Variants in TMEM132D observed in about 807,000 individuals in gnomAD.
The protein encoded by TMEM132D is transmembrane protein 132D.
In TMEM132D, 21 loss-of-function variants were observed where a neutral mutation model predicts 62.3. The ratio of observed to expected loss-of-function variants is 0.34; its 90% CI spans 0.24 to 0.49. TMEM132D has a LOEUF of 0.49. Among genes scored for constraint, TMEM132D ranks in the 20% least tolerant of loss-of-function variants. The pLI, the probability that TMEM132D is intolerant of heterozygous loss-of-function variation, is 0.99. For missense variants in TMEM132D, 1,346 were observed against 1,402.8 expected, an observed-to-expected ratio of 0.96 and a Z score of 0.65; for synonymous variants, 621 against 575.6, an observed-to-expected ratio of 1.08 and a Z score of -1.13.
At chr12:129,206,522 G>A (rs973756920) in intron 5 of TMEM132D, among the ~76,000 whole-genome samples, 1 of 152,150 alleles carries the variant, frequency 6.6e-6, no homozygotes, top group Non-Finnish European at 1.5e-5. Context: ...AATTAGTTCA[G>A]CCACTATGGA....
chr12:129,449,190 C>T (rs1459653582), intron 3 of TMEM132D, among the ~76,000 whole-genome samples: 4 of 152,228 alleles, frequency 2.6e-5, no homozygotes, highest in Non-Finnish European at 5.9e-5. Flanking sequence ...AATGTGAGAG[C>T]AGTCACCGCA....
In TMEM132D at chr12:129,072,738, G is replaced by A. The variant is rs1009424330; in HGVS notation, c.*1137C>T. The A allele has an allele frequency of 6.6e-6, 1 of 152,198 alleles. No individual in the cohort carries two copies. The highest frequency in any genetic ancestry group is 2.1e-4 in the South Asian group (1 of 4,802). The allele number at this position is 152,198 out of a possible 1,614,324, so 9.4% of individuals were successfully genotyped here. On this transcript the variant is annotated 3_prime_UTR_variant, in exon 9 of 9. Coordinates refer to ENST00000422113, the MANE Select transcript of TMEM132D (RefSeq NM_133448.3). The stretch of plus-strand genomic sequence containing the variant: ...CACCCCGATTTGTCTCAACAGCCTC[G>A]AGGCCACATCTTTGGACAGGAGATC...
chr12:129,523,663 T>A (rs952266579), intron 3 of TMEM132D, among the ~76,000 whole-genome samples: 2 of 152,140 alleles, frequency 1.3e-5, no homozygotes, highest in Admixed American at 6.5e-5. Flanking sequence ...ATACCAGATA[T>A]ATGGATATAA....
intron 1 of TMEM132D, among the ~76,000 whole-genome samples, chr12:129,701,793 C>T (rs1881392475): frequency 6.6e-6 from 1 of 152,190 alleles, no homozygotes; most frequent in Non-Finnish European, 1.5e-5. Context: ...CGTCAGTCAC[C>T]ATGTAATTAT....
intron 3 of TMEM132D, among the ~76,000 whole-genome samples, chr12:129,347,701 T>C (rs1224274531): frequency 5.3e-5 from 8 of 152,042 alleles, no homozygotes; most frequent in East Asian, 1.9e-4. Context: ...AAAGACAAAA[T>C]TGACAAATGA....
intron 2 of TMEM132D, among the ~76,000 whole-genome samples, chr12:129,648,508 G>GCTC (rs1469169670): frequency 2.0e-5 from 3 of 152,126 alleles, no homozygotes; most frequent in Non-Finnish European, 4.4e-5. Flanking sequence ...TCATAAATCA[G>GCTC]CTCTATCAGG....
chr12:129,640,937 T>C (rs568699461), intron 2 of TMEM132D, among the ~76,000 whole-genome samples: 198 of 152,222 alleles, frequency 1.3e-3, no homozygotes, highest in African/African-American at 4.6e-3. Context: ...CTTATGAGAA[T>C]CTAACGCCTG....
chr12:129,321,564 T>C (rs1169395273), intron 4 of TMEM132D, among the ~76,000 whole-genome samples: 2 of 149,300 alleles, frequency 1.3e-5, no homozygotes, highest in South Asian at 2.1e-4. Flanking sequence ...GATCTTTTCT[T>C]TTTTTTTTTT....
At chr12:129,785,915 C>T (rs376484241) in intron 1 of TMEM132D, among the ~76,000 whole-genome samples, 69 of 152,126 alleles carry the variant, frequency 4.5e-4, no homozygotes, top group African/African-American at 1.1e-3. Flanking sequence ...TTTTATCACT[C>T]GAAATAGCAG....
At chr12:129,324,076 T>C (rs1368620592) in intron 4 of TMEM132D, among the ~76,000 whole-genome samples, 2 of 152,188 alleles carry the variant, frequency 1.3e-5, no homozygotes, top group African/African-American at 4.8e-5. Flanking sequence ...CTCCTTTCTA[T>C]TGGAAGCCTG....
Position 129,073,874 on chromosome 12 carries a change from C to A in TMEM132D, c.*1G>T. ...AGAACCAATGTCTGTGTGTGTCTGGCTTACACATTTTCATGTAACCTCTCC... is the reference window on the plus strand; with the variant it reads ...AGAACCAATGTCTGTGTGTGTCTGGATTACACATTTTCATGTAACCTCTCC... On this transcript the variant is annotated 3_prime_UTR_variant, in exon 9 of 9. Transcript: ENST00000422113. 6.5e-7 allele frequency: 1 copy of A among 1,529,742 alleles called. No individual in the cohort carries two copies. The highest frequency in any genetic ancestry group is 1.3e-5 in the South Asian group (1 of 76,366). The allele number at this position is 1,529,742 out of a possible 1,614,324, so 94.8% of individuals were successfully genotyped here.
At position 129,572,745 on chromosome 12, in the gene TMEM132D, G is replaced by A. The variant is rs1309172014; in HGVS notation, c.969-41540C>T. Among the ~76,000 whole-genome samples, 5 of 151,872 alleles carry A rather than the reference G, an allele frequency of 3.3e-5. No individual in the cohort carries two copies. In the South Asian group the frequency reaches 6.2e-4, roughly 19 times the overall value. On this transcript the variant is annotated intron_variant, in intron 2 of 8. Coordinates refer to ENST00000422113, the MANE Select transcript of TMEM132D (RefSeq NM_133448.3). ...ATTACAAGTGTGAGCCAGCGCGCCC[G>A]GCCCAGAGGGTCTGTTTGTAAACTG...
chr12:129,718,010 C>T (rs529172810), intron 1 of TMEM132D, among the ~76,000 whole-genome samples: 143 of 152,346 alleles, frequency 9.4e-4, no homozygotes, highest in African/African-American at 3.1e-3. Flanking sequence ...TGTGTGTTAG[C>T]TGCAGAGATT....
intron 3 of TMEM132D, among the ~76,000 whole-genome samples, chr12:129,493,151 A>T (rs376752935): frequency 6.6e-6 from 1 of 152,100 alleles, no homozygotes; most frequent in Non-Finnish European, 1.5e-5. Context: ...CTTTAACTTC[A>T]TGTCTCTCTC....
intron 3 of TMEM132D, among the ~76,000 whole-genome samples, chr12:129,502,651 T>C (rs1050845303): frequency 6.6e-6 from 1 of 152,144 alleles, no homozygotes; most frequent in African/African-American, 2.4e-5. Context: ...CAAATTAATC[T>C]CTAGAAGCCT....
At chr12:129,282,309 G>C (rs746502367) in intron 4 of TMEM132D, among the ~76,000 whole-genome samples, 1 of 152,134 alleles carries the variant, frequency 6.6e-6, no homozygotes, top group Non-Finnish European at 1.5e-5. Flanking sequence ...TCCAACCCAG[G>C]CAGAGCCCGG....
At chr12:129,240,269 A>G (rs1243333470) in intron 4 of TMEM132D, among the ~76,000 whole-genome samples, 1 of 152,186 alleles carries the variant, frequency 6.6e-6, no homozygotes, top group Non-Finnish European at 1.5e-5. Flanking sequence ...CCTCACTTTT[A>G]TGCCGCTGGA....
intron 4 of TMEM132D, among the ~76,000 whole-genome samples, chr12:129,227,602 T>C (rs1284312889): frequency 1.3e-5 from 2 of 150,098 alleles, no homozygotes; most frequent in African/African-American, 4.9e-5. Flanking sequence ...TTAATATATA[T>C]ATATATTTTA....
intron 3 of TMEM132D, among the ~76,000 whole-genome samples, chr12:129,458,064 T>C (rs575513263): frequency 6.0e-4 from 91 of 152,270 alleles, no homozygotes; most frequent in African/African-American, 2.0e-3. Context: ...CCTCTGATAA[T>C]ATCGTACTCT....
Sources: gnomAD v4.1 joint callset for allele counts (sites outside exome capture counted in the v4.1 genomes callset) on GRCh38, gnomAD v4.1.1 for gene constraint, MANE v1.5 for transcripts, NCBI Gene and HGNC (gene_info 2026-07-23, HGNC 2026-07-21) for gene names.